The following CNGA2 variants were observed in gnomAD, a reference collection of about 807,000 sequenced individuals.
CNGA2 encodes the protein cyclic nucleotide gated channel subunit alpha 2, also known as cyclic nucleotide-gated channel alpha-2.
In CNGA2, 22 loss-of-function variants were observed where a neutral mutation model predicts 35.9. The observed-to-expected ratio is 0.61, with a 90% CI of 0.44 to 0.88. The LOEUF is 0.88. Ranked by LOEUF, CNGA2 falls within the 40% of genes least tolerant of loss-of-function variation. The probability of loss-of-function intolerance (pLI) is 0.00; values close to 1 mark genes in which losing one functional copy is unlikely to be tolerated. For synonymous variants in CNGA2, 217 were observed against 209.2 expected, an observed-to-expected ratio of 1.04 and a Z score of -0.32; for missense variants, 555 against 530.8, an observed-to-expected ratio of 1.05 and a Z score of -0.45.
intron 1 of CNGA2, among the ~76,000 whole-genome samples, chrX:151,737,258 G>A (rs2015256508): frequency 8.9e-6 from 1 of 112,111 alleles, no homozygotes; most frequent in East Asian, 2.8e-4. Flanking sequence ...AGCCCTGGCA[G>A]GGAAGAGCTC....
intron 1 of CNGA2, among the ~76,000 whole-genome samples, chrX:151,735,961 C>T (rs1001667184): frequency 1.8e-5 from 2 of 111,348 alleles, no homozygotes; most frequent in African/African-American, 6.5e-5. Flanking sequence ...ACCCAGTGCC[C>T]GCTCCAGCTC....
rs2124373324 is a variant in CNGA2, at chrX:151,745,365, T to C, written c.*867T>C. The stretch of plus-strand genomic sequence containing the variant: ...CTCTCCCTCCCTTCATTAATCCCTC[T>C]CTTTTCACCATATGGTTGTCCCTCA... On this transcript the variant is annotated 3_prime_UTR_variant, in exon 7 of 7. Coordinates refer to ENST00000329903, the MANE Select transcript of CNGA2 (RefSeq NM_005140.3). 8.9e-6 allele frequency: 1 copy of C among 112,009 alleles called. No homozygotes were observed. Among genetic ancestry groups the C allele is most frequent in the Admixed American group, 9.4e-5 (1 of 10,598 alleles). 9.2% of individuals were successfully genotyped at this position (112,009 alleles called of 1,213,427 possible).
intron 1 of CNGA2, 39 bp from the exon 2 acceptor site, chrX:151,738,419 G>A (rs886081849): frequency 2.1e-5 from 20 of 931,007 alleles, no homozygotes; most frequent in East Asian, 3.1e-5. Flanking sequence ...TGGGTGTCAG[G>A]GTCCTCTGTG....
chrX:151,736,824 T>A (rs776799504), intron 1 of CNGA2, among the ~76,000 whole-genome samples: 1 of 111,550 alleles, frequency 9.0e-6, no homozygotes, highest in African/African-American at 3.3e-5. Flanking sequence ...GGCCTGGCCC[T>A]GGATTACAGC....
intron 4 of CNGA2, 52 bp from the exon 5 acceptor site, chrX:151,740,742 T>C (rs1322661184): frequency 1.0e-6 from 1 of 974,154 alleles, no homozygotes; most frequent in South Asian, 1.9e-5. Context: ...GCTGGGGTGC[T>C]ATCACACTGG....
chrX:151,738,601 T>C lies in CNGA2; in HGVS notation c.110+8T>C. ...CCACAGGACAAGCAGCAGGTGAGTC[T>C]GCATGGTATCAGGGAAGGTACAGAG... On this transcript the variant is annotated splice_region_variant and intron_variant, in intron 2 of 6. Transcript: ENST00000329903. 2.5e-6 allele frequency: 3 copies of C among 1,189,805 alleles called. No individual in the cohort carries two copies. The highest frequency in any genetic ancestry group is 3.4e-6 in the Non-Finnish European group (3 of 875,874).
rs1029471647 is a variant in CNGA2, at chrX:151,734,749, A to G, written c.-221A>G. 8.9e-6 allele frequency among the ~76,000 whole-genome samples: 1 copy of G among 111,790 alleles called. No homozygotes were observed. Among genetic ancestry groups the G allele is most frequent in the Admixed American group, 9.5e-5 (1 of 10,535 alleles). On this transcript the variant is annotated 5_prime_UTR_variant, in exon 1 of 7. Transcript: ENST00000329903. ...TGAGGAGGAGGAGAACGAAGGGAGT[A>G]GACTCTATTATTTCAAGAAAGATGG...
intron 5 of CNGA2, among the ~76,000 whole-genome samples, chrX:151,741,491 G>A (rs917938699): frequency 1.8e-5 from 2 of 112,262 alleles, no homozygotes; most frequent in Non-Finnish European, 3.8e-5. Context: ...ATTTGACTGA[G>A]CACCTCATGT....
At chrX:151,743,020 A>ATATATGTGTGTGTGTG (rs2015329166) in intron 6 of CNGA2, 73 bp from the exon 7 acceptor site, 3 of 207,029 alleles carry the variant, frequency 1.4e-5, no homozygotes, top group Non-Finnish European at 2.4e-5. Context: ...ATATATATGT[A>ATATATGTGTGTGTGTG]TATATATGCA....
rs777961623 is a variant in CNGA2 at position 151,742,636 on chromosome X, C to T, written c.583C>T (p.Arg195Cys). The T allele has an allele frequency of 1.9e-5, 23 of 1,199,147 alleles. No homozygotes were observed. The highest frequency in any genetic ancestry group is 1.2e-4 in the East Asian group (4 of 33,430). ...CATTGCGGACCTCTTCATCCGATTG[C>T]GCACAGGTCAGTGAGCAACTGGGAT... ...VYIADLFIRLRTGFLEQGLLV... is the reference protein window; with the variant it reads ...VYIADLFIRLCTGFLEQGLLV... Residue 195 changes from arginine (R) to cysteine (C), a missense_variant, in exon 6 of 7, where the codon CGC (arginine) becomes TGC (cysteine). By Grantham distance (180) the Arg-to-Cys change is radical. Coordinates refer to ENST00000329903, the MANE Select transcript of CNGA2 (RefSeq NM_005140.3).
chrX:151,740,937 C>A, intron 5 of CNGA2, 36 bp downstream of exon 5: 1 of 1,078,609 alleles, frequency 9.3e-7, no homozygotes, highest in Non-Finnish European at 1.3e-6. Flanking sequence ...GTGGCCAAAG[C>A]AACCCAGTCT....
rs2015333617 is a variant in CNGA2, at chrX:151,743,127, C to T, written c.624C>T (p.Thr208=). 1 of 1,185,779 alleles carries T rather than the reference C, an allele frequency of 8.4e-7. No individual in the cohort carries two copies. Among genetic ancestry groups the T allele is most frequent in the Non-Finnish European group, 1.1e-6 (1 of 882,765 alleles). ...AGCAGGGGCTGCTGGTCAAAGATAC[C>T]AAGAAACTGCGAGACAACTACATCC... ...FLEQGLLVKD[T]KKLRDNYIHT... The change falls in exon 7 of 7, where the codon ACC becomes ACT. Residue 208 remains threonine, a synonymous_variant. Transcript: ENST00000329903.
Position 151,743,686 on chromosome X carries a change from T to C in CNGA2, c.1183T>C (p.Tyr395His), listed in dbSNP as rs763616745. ...GGCTAAGATCGATGCCGTGAAACACTACATGCAGTTCCGAAAGGTCAGCAA... is the reference window on the plus strand; with the variant it reads ...GGCTAAGATCGATGCCGTGAAACACCACATGCAGTTCCGAAAGGTCAGCAA... ...FQAKIDAVKH[Y>H]MQFRKVSKGM... is the part of the protein sequence containing the mutation. Residue 395 changes from tyrosine (Y) to histidine (H), a missense_variant, in exon 7 of 7, where the codon TAC (tyrosine) becomes CAC (histidine). By Grantham distance (83) the Tyr-to-His change is moderately conservative. Transcript: ENST00000329903. 5.0e-6 allele frequency: 6 copies of C among 1,211,479 alleles called. No homozygotes were observed.
At position 151,738,821 on chromosome X, in the gene CNGA2, G is replaced by A. The variant is rs376229621; in HGVS notation, c.145G>A (p.Glu49Lys). ...HSAADDDTSS[E>K]LQRLADVDAP... is the part of the protein sequence containing the mutation. ...TGCAGCTGACGATGACACCTCCTCA[G>A]AACTGCAGAGGCTGGCAGACGTGGA... Residue 49 changes from glutamate (E) to lysine (K), a missense_variant, in exon 3 of 7, where the codon GAA becomes AAA. By Grantham distance (56) the Glu-to-Lys change is moderately conservative (BLOSUM62 1). Transcript: ENST00000329903. 1 of 1,178,493 alleles carries A rather than the reference G, an allele frequency of 8.5e-7. No individual in the cohort carries two copies. Among genetic ancestry groups the A allele is most frequent in the African/African-American group, 1.7e-5 (1 of 57,338 alleles).
intron 1 of CNGA2, among the ~76,000 whole-genome samples, chrX:151,737,752 A>G (rs2015262237): frequency 9.1e-6 from 1 of 110,467 alleles, no homozygotes; most frequent in Non-Finnish European, 1.9e-5. Flanking sequence ...CAAAACAAAC[A>G]AAAACTGTTT....
chrX:151,738,772 C>A lies in CNGA2; in HGVS notation c.111-15C>A. 3.5e-6 allele frequency: 4 copies of A among 1,158,942 alleles called. No individual in the cohort carries two copies. In the South Asian group the frequency reaches 5.9e-5, roughly 17 times the overall value. ...CCCTGAGAACCCTGGGTCAATTCTG[C>A]TCTTTTTTCTGCAGGCCACACTCTG... On this transcript the variant is annotated splice_polypyrimidine_tract_variant and intron_variant, in intron 2 of 6. Transcript: ENST00000329903.
rs111389709 is a variant in CNGA2, at chrX:151,744,826, T to G, written c.*328T>G. ...CCCTCCCTTGGTTCTGGCCCCCGCTTTTTCTAACATGTCTTCTGAATGCTT... is the reference window on the plus strand; with the variant it reads ...CCCTCCCTTGGTTCTGGCCCCCGCTGTTTCTAACATGTCTTCTGAATGCTT... On this transcript the variant is annotated 3_prime_UTR_variant, in exon 7 of 7. Coordinates refer to ENST00000329903, the MANE Select transcript of CNGA2 (RefSeq NM_005140.3). The G allele has an allele frequency of 1.6e-4, 42 of 256,688 alleles. No individual in the cohort carries two copies. Among genetic ancestry groups the G allele is most frequent in the African/African-American group, 1.1e-3 (38 of 36,045 alleles). The allele number at this position is 256,688 out of a possible 1,213,427, so 21.2% of individuals were successfully genotyped here.
intron 1 of CNGA2, among the ~76,000 whole-genome samples, chrX:151,738,180 G>A (rs2015266888): frequency 9.0e-6 from 1 of 111,348 alleles, no homozygotes; most frequent in African/African-American, 3.3e-5. Flanking sequence ...AAAATACTGG[G>A]GTAAAATAGA....
At chrX:151,738,220 G>C (rs1415853591) in intron 1 of CNGA2, among the ~76,000 whole-genome samples, 1 of 111,989 alleles carries the variant, frequency 8.9e-6, no homozygotes, top group Non-Finnish European at 1.9e-5. Flanking sequence ...GTTTAGCACT[G>C]TTTCCATTTA....
Sources: allele counts gnomAD v4.1 joint callset (sites outside exome capture counted in the v4.1 genomes callset), GRCh38; gene constraint gnomAD v4.1.1; transcripts MANE v1.5; gene names NCBI Gene and HGNC (gene_info 2026-07-23, HGNC 2026-07-21).